The following XKR4 variants were observed in gnomAD, a reference collection of about 807,000 sequenced individuals.
XKR4 encodes XK-related protein 4.
XKR4 carries 12 observed loss-of-function variants against 53.9 expected under a neutral mutation model. That is an observed-to-expected ratio of 0.22 (90% CI 0.14 to 0.36). XKR4 has a LOEUF of 0.36. Ranked by LOEUF, XKR4 falls within the 10% of genes least tolerant of loss-of-function variation. XKR4 has a pLI of 1.00. For synonymous variants in XKR4, 354 were observed against 362.4 expected, an observed-to-expected ratio of 0.98 and a Z score of 0.26; for missense variants, 799 against 859.5, an observed-to-expected ratio of 0.93 and a Z score of 0.88.
intron 1 of XKR4, among the ~76,000 whole-genome samples, chr8:55,187,854 G>A (rs925808341): frequency 1.3e-5 from 2 of 152,160 alleles, no homozygotes; most frequent in Non-Finnish European, 2.9e-5. Flanking sequence ...ACATGTCCAG[G>A]AGTTAATTTA....
chr8:55,238,926 C>T (rs1818170893), intron 1 of XKR4, among the ~76,000 whole-genome samples: 1 of 152,198 alleles, frequency 6.6e-6, no homozygotes, highest in African/African-American at 2.4e-5. Context: ...GGAGTTACAA[C>T]TCAGTTCTCT....
At chr8:55,255,023 T>A (rs1275005983) in intron 1 of XKR4, among the ~76,000 whole-genome samples, 1 of 152,206 alleles carries the variant, frequency 6.6e-6, no homozygotes, top group Non-Finnish European at 1.5e-5. Flanking sequence ...GTGCACCGAA[T>A]TTAAGCTAAA....
intron 1 of XKR4, chr8:55,140,162 G>A (rs1585899663): frequency 4.6e-6 from 2 of 436,182 alleles, no homozygotes; most frequent in South Asian, 3.4e-5. Flanking sequence ...TTGGTATCTT[G>A]ACTGAGTGTC....
intron 1 of XKR4, among the ~76,000 whole-genome samples, chr8:55,314,987 G>A (rs906022752): frequency 6.6e-6 from 1 of 152,174 alleles, no homozygotes; most frequent in African/African-American, 2.4e-5. Context: ...CAAAAACGCT[G>A]TGCATTTGCC....
At chr8:55,363,902 G>T (rs1225473872) in intron 2 of XKR4, among the ~76,000 whole-genome samples, 2 of 152,182 alleles carry the variant, frequency 1.3e-5, no homozygotes, top group Non-Finnish European at 2.9e-5. Context: ...GTGAAGCTCT[G>T]TGCAACATTT....
intron 2 of XKR4, among the ~76,000 whole-genome samples, chr8:55,490,820 G>A (rs1049441147): frequency 1.3e-4 from 20 of 152,100 alleles, no homozygotes; most frequent in African/African-American, 9.7e-5. Context: ...GTGTGCGCAC[G>A]CGCATGCTTG....
At chr8:55,129,433 TCA>T (rs1391168466) in intron 1 of XKR4, among the ~76,000 whole-genome samples, 1 of 152,210 alleles carries the variant, frequency 6.6e-6, no homozygotes, top group Non-Finnish European at 1.5e-5. Flanking sequence ...CAGTTACATT[TCA>T]GTTTTACAAA....
chr8:55,229,576 C>T (rs1451147174), intron 1 of XKR4, among the ~76,000 whole-genome samples: 2 of 152,190 alleles, frequency 1.3e-5, no homozygotes, highest in Non-Finnish European at 2.9e-5. Context: ...AAGAATTGAA[C>T]ATTATTTCTT....
intron 2 of XKR4, among the ~76,000 whole-genome samples, chr8:55,492,636 G>A (rs972275266): frequency 1.3e-5 from 2 of 152,310 alleles, no homozygotes; most frequent in Non-Finnish European, 2.9e-5. Flanking sequence ...CTGAATGCAA[G>A]ATAAACACAT....
chr8:55,442,423 A>T (rs1465462588), intron 2 of XKR4, among the ~76,000 whole-genome samples: 1 of 152,198 alleles, frequency 6.6e-6, no homozygotes, highest in Non-Finnish European at 1.5e-5. Context: ...ACAGTTTGAA[A>T]CACAGTTCCT....
intron 2 of XKR4, among the ~76,000 whole-genome samples, chr8:55,370,806 C>A (rs1210291528): frequency 1.3e-5 from 2 of 152,126 alleles, no homozygotes; most frequent in African/African-American, 4.8e-5. Flanking sequence ...GGGGGCAGCA[C>A]TCCAGGGCAC....
chr8:55,118,507 A>G (rs1816343444), intron 1 of XKR4, among the ~76,000 whole-genome samples: 2 of 152,184 alleles, frequency 1.3e-5, no homozygotes, highest in African/African-American at 4.8e-5. Flanking sequence ...CCTAAGACCT[A>G]TCTCAGAGGA....
intron 1 of XKR4, among the ~76,000 whole-genome samples, chr8:55,287,068 A>G (rs2129374718): frequency 1.3e-5 from 2 of 150,098 alleles, no homozygotes; most frequent in Middle Eastern, 3.4e-3. Context: ...TATAGAAGAG[A>G]AAGTTATACT....
At chr8:55,490,865 C>A (rs1379750977) in intron 2 of XKR4, among the ~76,000 whole-genome samples, 3 of 152,100 alleles carry the variant, frequency 2.0e-5, no homozygotes, top group African/African-American at 4.8e-5. Context: ...TTGTTGAGAA[C>A]CTTGGTTTAC....
chr8:55,452,884 A>G, intron 2 of XKR4: 1 of 777,914 alleles, frequency 1.3e-6, no homozygotes, highest in Non-Finnish European at 2.3e-6. Context: ...AGCAGGAGGT[A>G]GCTCACGCAG....
chr8:55,374,522 G>A (rs7005036), intron 2 of XKR4, among the ~76,000 whole-genome samples: 9 of 152,304 alleles, frequency 5.9e-5, no homozygotes, highest in East Asian at 1.9e-4. Context: ...AAGGCCAAGC[G>A]CAGAACTGGT....
intron 1 of XKR4, among the ~76,000 whole-genome samples, chr8:55,140,870 A>T (rs1431678498): frequency 6.6e-6 from 1 of 152,204 alleles, no homozygotes. Flanking sequence ...TAGGATCATT[A>T]GGCTGTCTGA....
chr8:55,515,040 T>C (rs1459475553), intron 2 of XKR4, among the ~76,000 whole-genome samples: 2 of 152,208 alleles, frequency 1.3e-5, no homozygotes, highest in Non-Finnish European at 2.9e-5. Context: ...TCTTCCATAT[T>C]TGTCAAGAAG....
chr8:55,502,036 A>G (rs1387773917), intron 2 of XKR4, among the ~76,000 whole-genome samples: 4 of 152,246 alleles, frequency 2.6e-5, no homozygotes, highest in Non-Finnish European at 5.9e-5. Context: ...AGGAGTTGGT[A>G]TAACATATTG....
Sources: allele counts gnomAD v4.1 joint callset (sites outside exome capture counted in the v4.1 genomes callset), GRCh38; gene constraint gnomAD v4.1.1; transcripts MANE v1.5; gene names NCBI Gene and HGNC (gene_info 2026-07-23, HGNC 2026-07-21).